COL4A4: variants seen among roughly 807,000 people sequenced by gnomAD.
The protein encoded by COL4A4 is collagen type IV alpha 4 chain.
A neutral mutation model predicts 192.9 loss-of-function variants in COL4A4; 105 were observed. The ratio of observed to expected loss-of-function variants is 0.54; its 90% CI spans 0.46 to 0.64. COL4A4 has a LOEUF of 0.64. Among genes scored for constraint, COL4A4 ranks in the 30% least tolerant of loss-of-function variants. The pLI is 0.00. For missense variants in COL4A4, 1,967 were observed against 2,169.3 expected, an observed-to-expected ratio of 0.91 and a Z score of 1.85; for synonymous variants, 762 against 769.9, an observed-to-expected ratio of 0.99 and a Z score of 0.17.
chr2:227,075,057 C>T (rs556213958), intron 25 of COL4A4, among the ~76,000 whole-genome samples: 24 of 152,222 alleles, frequency 1.6e-4, no homozygotes, highest in African/African-American at 5.1e-4. Flanking sequence ...GATTCACAGC[C>T]GAAGTTTACC....
intron 1 of COL4A4, among the ~76,000 whole-genome samples, chr2:227,149,008 ATTTAT>A (rs1467736197): frequency 6.6e-6 from 1 of 151,342 alleles, no homozygotes; most frequent in Non-Finnish European, 1.5e-5. Context: ...TTTTTTATTT[ATTTAT>A]TTATTTTTTA....
intron 20 of COL4A4, among the ~76,000 whole-genome samples, chr2:227,093,884 A>T (rs1213042157): frequency 3.3e-5 from 5 of 152,180 alleles, no homozygotes; most frequent in African/African-American, 1.2e-4. Context: ...ACATTTAAAA[A>T]AAATTGGTAT....
At chr2:227,090,472 G>T (rs959431566) in intron 20 of COL4A4, among the ~76,000 whole-genome samples, 5 of 152,148 alleles carry the variant, frequency 3.3e-5, no homozygotes, top group East Asian at 1.9e-4. Context: ...AAACTGGCCT[G>T]GTGCGATGGC....
At chr2:226,969,794 T>C in the COL4A4 span, among the ~76,000 whole-genome samples, 1 of 152,172 alleles carries the variant, frequency 6.6e-6, no homozygotes, top group East Asian at 1.9e-4. Context: ...CATTTTAGAG[T>C]ATTTTTAGTA....
At chr2:227,077,653 A>G (rs1254061848) in intron 25 of COL4A4, among the ~76,000 whole-genome samples, 1 of 151,574 alleles carries the variant, frequency 6.6e-6, no homozygotes, top group African/African-American at 2.4e-5. Context: ...CCCAGAACTT[A>G]AAGTAAAATT....
At chr2:227,016,063 C>T (rs913981116) in intron 44 of COL4A4, among the ~76,000 whole-genome samples, 6 of 152,010 alleles carry the variant, frequency 3.9e-5, no homozygotes, top group Non-Finnish European at 5.9e-5. Flanking sequence ...GGTTCTGCAC[C>T]GCCCCACCCC....
chr2:226,984,135 C>T, the COL4A4 span, among the ~76,000 whole-genome samples: 1 of 152,238 alleles, frequency 6.6e-6, no homozygotes, highest in Non-Finnish European at 1.5e-5. Context: ...GTTCACCGCT[C>T]TGATCACTGG....
chr2:227,050,956 C>A (rs1271816348), intron 33 of COL4A4, 21 bp downstream of exon 33: 1 of 1,614,002 alleles, frequency 6.2e-7, no homozygotes, highest in Non-Finnish European at 8.5e-7. Flanking sequence ...TCTCTTCCCC[C>A]ACAAAGCAGT....
intron 25 of COL4A4, among the ~76,000 whole-genome samples, chr2:227,072,008 A>G (rs1559551303): frequency 1.3e-5 from 2 of 152,072 alleles, no homozygotes; most frequent in Non-Finnish European, 2.9e-5. Context: ...ACAAAAGCAT[A>G]CTAAACTTAG....
chr2:227,089,833 G>A, intron 21 of COL4A4, 35 bp downstream of exon 21: 1 of 1,525,518 alleles, frequency 6.6e-7, no homozygotes, highest in Non-Finnish European at 9.1e-7. Flanking sequence ...ATGTACAGTT[G>A]TCTTCTAGAA....
chr2:227,105,188 A>ATTTTTTT (rs36065792), intron 12 of COL4A4, among the ~76,000 whole-genome samples: 4 of 104,064 alleles, frequency 3.8e-5, no homozygotes, highest in African/African-American at 7.6e-5. Context: ...CAGGATCCTG[A>ATTTTTTT]TTTTTTTTTT....
chr2:227,005,089 G>A lies in COL4A4; in HGVS notation c.*2236C>T, dbSNP rs148734005. On this transcript the variant is annotated 3_prime_UTR_variant, in exon 48 of 48. Transcript: ENST00000396625. ...TACTTTTGTAAAATTAGAGGGCAGT[G>A]TTAATGCTGCATTTAGAGACAGCTC... The A allele has an allele frequency of 3.3e-5, 5 of 152,202 alleles. No homozygotes were observed. Among genetic ancestry groups the A allele is most frequent in the African/African-American group, 1.2e-4 (5 of 41,506 alleles). 9.4% of individuals were successfully genotyped at this position (152,202 alleles called of 1,614,324 possible).
chr2:227,031,013 GGATATGTGGATAGATGGTTGGATGGACA>G (rs1968218432), intron 40 of COL4A4, among the ~76,000 whole-genome samples: 1 of 149,750 alleles, frequency 6.7e-6, no homozygotes, highest in Non-Finnish European at 1.5e-5. Flanking sequence ...ATGGATGGAT[GGATATGTGGATAGATGGTTGGATGGACA>G]GATGGATGGA....
chr2:227,047,976 C>T (rs1429702108), intron 34 of COL4A4, among the ~76,000 whole-genome samples: 2 of 152,168 alleles, frequency 1.3e-5, no homozygotes, highest in Admixed American at 6.5e-5. Context: ...CAGCTCAACT[C>T]AGTGTCCTTG....
intron 1 of COL4A4, among the ~76,000 whole-genome samples, chr2:227,158,189 A>G (rs2064505500): frequency 6.6e-6 from 1 of 152,164 alleles, no homozygotes; most frequent in Non-Finnish European, 1.5e-5. Context: ...AAACATGATG[A>G]TCAATTGATT....
intron 25 of COL4A4, among the ~76,000 whole-genome samples, chr2:227,068,400 G>T (rs982737990): frequency 6.6e-6 from 1 of 152,134 alleles, no homozygotes; most frequent in African/African-American, 2.4e-5. Context: ...CCAAAGCCAG[G>T]CAGAGACACA....
chr2:226,969,503 G>A, the COL4A4 span, among the ~76,000 whole-genome samples: 1 of 149,948 alleles, frequency 6.7e-6, no homozygotes, highest in Admixed American at 6.7e-5. Context: ...TGCCTAAATA[G>A]GGAAAGGGAG....
intron 44 of COL4A4, among the ~76,000 whole-genome samples, chr2:227,019,855 C>A: frequency 6.6e-6 from 1 of 152,246 alleles, no homozygotes; most frequent in African/African-American, 2.4e-5. Context: ...TAAGTAGAGA[C>A]GGGGTTTTAC....
rs776674088 is a variant in COL4A4, at chr2:227,103,115, A to T, written c.870+29T>A. The T allele has an allele frequency of 9.4e-5, 11 of 116,404 alleles. No homozygotes were observed. In the South Asian group the frequency reaches 1.1e-3, roughly 12 times the overall value. 7.2% of individuals were successfully genotyped at this position (116,404 alleles called of 1,614,324 possible). Reference sequence around the variant, plus strand: ...GTTAAGATAGTACATCACACAAATGAAAAAAAAAAAGGTACTTAAATAAAC... The same window carrying T: ...GTTAAGATAGTACATCACACAAATGTAAAAAAAAAAGGTACTTAAATAAAC... On this transcript the variant is annotated intron_variant, in intron 14 of 47. Transcript: ENST00000396625.
Sources: gnomAD v4.1 joint callset for allele counts (sites outside exome capture counted in the v4.1 genomes callset) on GRCh38, gnomAD v4.1.1 for gene constraint, MANE v1.5 for transcripts, NCBI Gene and HGNC (gene_info 2026-07-23, HGNC 2026-07-21) for gene names.